The following FSIP1 variants were observed in gnomAD, a reference collection of about 807,000 sequenced individuals.
FSIP1 encodes fibrous sheath-interacting protein 1.
A neutral mutation model predicts 60.9 loss-of-function variants in FSIP1; 65 were observed. That is an observed-to-expected ratio of 1.07 (90% CI 0.87 to 1.31). FSIP1 has a LOEUF of 1.31. Among genes scored for constraint, FSIP1 ranks in the 40% most tolerant of loss-of-function variants. FSIP1 has a pLI of 0.00. For missense variants in FSIP1, 675 were observed against 665.5 expected, an observed-to-expected ratio of 1.01 and a Z score of -0.16; for synonymous variants, 209 against 221.2, an observed-to-expected ratio of 0.94 and a Z score of 0.49.
chr15:39,631,667 T>C (rs907864597), intron 10 of FSIP1, among the ~76,000 whole-genome samples: 7 of 152,220 alleles, frequency 4.6e-5, no homozygotes, highest in Non-Finnish European at 1.5e-5. Context: ...TGCTGTGATA[T>C]TCACTACAAG....
intron 9 of FSIP1, among the ~76,000 whole-genome samples, chr15:39,717,835 G>C (rs138354550): frequency 6.6e-6 from 1 of 152,306 alleles, no homozygotes; most frequent in African/African-American, 2.4e-5. Context: ...CCAATCCAGG[G>C]ATCATTTTAA....
intron 8 of FSIP1, among the ~76,000 whole-genome samples, chr15:39,734,417 C>T (rs1409806071): frequency 6.6e-6 from 1 of 152,116 alleles, no homozygotes; most frequent in Non-Finnish European, 1.5e-5. Context: ...AGATTCCTAA[C>T]ATACAAGAAG....
chr15:39,610,679 A>G (rs1442861926), intron 11 of FSIP1, among the ~76,000 whole-genome samples: 4 of 152,198 alleles, frequency 2.6e-5, no homozygotes, highest in Non-Finnish European at 5.9e-5. Flanking sequence ...ATAAAATTAA[A>G]TTAAAATTAA....
At chr15:39,722,035 G>T (rs1896002647) in intron 9 of FSIP1, among the ~76,000 whole-genome samples, 2 of 152,262 alleles carry the variant, frequency 1.3e-5, no homozygotes, top group Middle Eastern at 3.4e-3. Flanking sequence ...CAGAGCAGGA[G>T]GTGAGCGGCA....
At chr15:39,608,897 A>G (rs57130082) in intron 11 of FSIP1, among the ~76,000 whole-genome samples, 7,276 of 152,224 alleles carry the variant, frequency 0.048, 604 homozygotes, top group African/African-American at 0.17. Flanking sequence ...GGTAAGTGGA[A>G]TAGAGGAATG....
At chr15:39,777,613 C>G (rs1330687710) in intron 1 of FSIP1, among the ~76,000 whole-genome samples, 1 of 152,178 alleles carries the variant, frequency 6.6e-6, no homozygotes, top group Admixed American at 6.5e-5. Context: ...ATTGATCCTT[C>G]CAAACTGTGT....
chr15:39,606,025 G>C (rs1890811061), intron 11 of FSIP1, among the ~76,000 whole-genome samples: 1 of 152,216 alleles, frequency 6.6e-6, no homozygotes, highest in African/African-American at 2.4e-5. Context: ...TCCCACTGGT[G>C]GGTGGTAGGC....
In FSIP1 at chr15:39,694,930, G is replaced by A. The variant is rs182536596; in HGVS notation, c.1188+18514C>T. On this transcript the variant is annotated intron_variant, in intron 10 of 11. Coordinates refer to ENST00000350221, the MANE Select transcript of FSIP1 (RefSeq NM_152597.5). ...TGTAAGTCAGGTACAATATAGAAAG[G>A]TCATAATCAATCACATAATCTCTTT... Among the ~76,000 whole-genome samples the A allele has an allele frequency of 1.1e-4, 17 of 152,110 alleles. 1 individual carries two copies. In the East Asian group the frequency reaches 1.7e-3, roughly 16 times the overall value.
intron 10 of FSIP1, among the ~76,000 whole-genome samples, chr15:39,647,064 A>G (rs1595569299): frequency 1.1e-5 from 1 of 90,396 alleles, no homozygotes; most frequent in South Asian, 2.9e-4. Flanking sequence ...GGTTGTTACC[A>G]GGGGTGATAG....
At chr15:39,719,533 T>A (rs189732332) in intron 9 of FSIP1, among the ~76,000 whole-genome samples, 1 of 152,160 alleles carries the variant, frequency 6.6e-6, no homozygotes, top group African/African-American at 2.4e-5. Context: ...TTTTCAAAAA[T>A]CAAAAACAGC....
intron 8 of FSIP1, 128 bp from the exon 9 acceptor site, chr15:39,726,875 C>A (rs372615745): frequency 8.5e-6 from 5 of 590,020 alleles, no homozygotes; most frequent in Middle Eastern, 3.3e-4. Context: ...ACACACACAA[C>A]ACACACAAAC....
intron 11 of FSIP1, among the ~76,000 whole-genome samples, chr15:39,610,631 A>G (rs1890995957): frequency 6.6e-6 from 1 of 152,222 alleles, no homozygotes; most frequent in Admixed American, 6.5e-5. Flanking sequence ...ATGCCACTGC[A>G]GTCTAGTCTG....
intron 10 of FSIP1, among the ~76,000 whole-genome samples, chr15:39,702,690 TGTGA>T (rs1237628886): frequency 1.3e-5 from 2 of 151,034 alleles, no homozygotes; most frequent in African/African-American, 2.4e-5. Flanking sequence ...TTAAATATGG[TGTGA>T]GTGTGTATCA....
intron 10 of FSIP1, among the ~76,000 whole-genome samples, chr15:39,689,019 G>A (rs1282137404): frequency 6.6e-6 from 1 of 152,090 alleles, no homozygotes; most frequent in Non-Finnish European, 1.5e-5. Flanking sequence ...TACATCCCAG[G>A]CCTCTCTGAC....
At chr15:39,628,660 C>T (rs1292078876) in intron 10 of FSIP1, among the ~76,000 whole-genome samples, 1 of 152,222 alleles carries the variant, frequency 6.6e-6, no homozygotes, top group Non-Finnish European at 1.5e-5. Flanking sequence ...CAAACTCTCT[C>T]TCTGAAAGCA....
chr15:39,721,431 T>C (rs530379532), intron 9 of FSIP1, among the ~76,000 whole-genome samples: 1 of 152,250 alleles, frequency 6.6e-6, no homozygotes, highest in Non-Finnish European at 1.5e-5. Context: ...TCCGTACTTT[T>C]CATCTGATCA....
At chr15:39,675,775 A>G (rs1036564274) in intron 10 of FSIP1, among the ~76,000 whole-genome samples, 5 of 152,212 alleles carry the variant, frequency 3.3e-5, no homozygotes, top group Admixed American at 2.0e-4. Context: ...CACTTATTTC[A>G]TGTGATAAAG....
At chr15:39,756,360 A>G (rs1897301358) in intron 5 of FSIP1, among the ~76,000 whole-genome samples, 1 of 152,090 alleles carries the variant, frequency 6.6e-6, no homozygotes, top group African/African-American at 2.4e-5. Flanking sequence ...CAAAGTCCTT[A>G]AGGTTAATTT....
chr15:39,615,286 T>A (rs1395329413), intron 11 of FSIP1, among the ~76,000 whole-genome samples: 1 of 151,838 alleles, frequency 6.6e-6, no homozygotes, highest in Non-Finnish European at 1.5e-5. Flanking sequence ...AAAAAGTGTC[T>A]GCACAGCAAA....
Sources: gnomAD v4.1 joint callset for allele counts (sites outside exome capture counted in the v4.1 genomes callset) on GRCh38, gnomAD v4.1.1 for gene constraint, MANE v1.5 for transcripts, NCBI Gene and HGNC (gene_info 2026-07-23, HGNC 2026-07-21) for gene names.